Variants in TNR observed in about 807,000 individuals in gnomAD.
TNR encodes tenascin-R.
A neutral mutation model predicts 150.4 loss-of-function variants in TNR; 45 were observed. That is an observed-to-expected ratio of 0.30 (90% CI 0.24 to 0.38). The LOEUF (loss-of-function observed/expected upper bound fraction) is 0.38. Among genes scored for constraint, TNR ranks in the 10% least tolerant of loss-of-function variants. The pLI is 1.00. For synonymous variants in TNR, 687 were observed against 678.4 expected (o/e 1.01, Z -0.20); for missense variants, 1,544 against 1,759.1 (o/e 0.88, Z 2.19).
chr1:175,386,076 C>T lies in TNR; in HGVS notation c.1733G>A (p.Arg578Gln), dbSNP rs953912910. The T allele has an allele frequency of 5.6e-6, 9 of 1,608,356 alleles. No homozygotes were observed. The highest frequency in any genetic ancestry group is 7.7e-6 in the Non-Finnish European group (9 of 1,176,210). The change falls in exon 8 of 23, where the codon CGA becomes CAA. Residue 578 changes from arginine (R) to glutamine (Q), a missense_variant. Transcript: ENST00000367674. ...GGCAGAATCGCTCTCGTTGGTCCCTCGGACGGCACTGACTGACACCTCGTA... is the reference window on the plus strand; with the variant it reads ...GGCAGAATCGCTCTCGTTGGTCCCTTGGACGGCACTGACTGACACCTCGTA... ...SRYEVSVSAV[R>Q]GTNESDSATT...
chr1:175,384,451 A>T (rs149048843), intron 8 of TNR, among the ~76,000 whole-genome samples: 253 of 152,366 alleles, frequency 1.7e-3, no homozygotes, highest in African/African-American at 5.7e-3. Context: ...ACAGGGTGGC[A>T]TCTGGCCCAG....
chr1:175,396,843 G>A (rs1450894656), intron 4 of TNR, 36 bp from the exon 5 acceptor site: 1 of 1,591,122 alleles, frequency 6.3e-7, no homozygotes, highest in East Asian at 2.2e-5. Flanking sequence ...CATGAGCTCA[G>A]AGGATTGCCT....
At chr1:175,471,056 G>A (rs1657264888) in intron 2 of TNR, among the ~76,000 whole-genome samples, 1 of 152,218 alleles carries the variant, frequency 6.6e-6, no homozygotes, top group Non-Finnish European at 1.5e-5. Flanking sequence ...GGAACAGGAG[G>A]CTCACTGCTT....
intron 2 of TNR, among the ~76,000 whole-genome samples, chr1:175,446,365 C>T (rs1210468484): frequency 1.3e-5 from 2 of 152,172 alleles, no homozygotes; most frequent in Non-Finnish European, 2.9e-5. Flanking sequence ...TTCATTGTTC[C>T]ATCCACAAAA....
intron 4 of TNR, among the ~76,000 whole-genome samples, chr1:175,400,493 C>A (rs1235853118): frequency 6.6e-6 from 1 of 152,060 alleles, no homozygotes; most frequent in African/African-American, 2.4e-5. Flanking sequence ...AGAATGGAGG[C>A]AGAAGTCTTG....
chr1:175,343,304 C>T (rs1217738987), intron 18 of TNR, among the ~76,000 whole-genome samples: 1 of 152,174 alleles, frequency 6.6e-6, no homozygotes, highest in Non-Finnish European at 1.5e-5. Flanking sequence ...AAAGGCCAAA[C>T]TTACTCCTCC....
At chr1:175,588,836 A>C (rs180732748) in intron 1 of TNR, among the ~76,000 whole-genome samples, 2 of 152,304 alleles carry the variant, frequency 1.3e-5, no homozygotes, top group Non-Finnish European at 1.5e-5. Flanking sequence ...GCCCAAACCT[A>C]ATCTCCTCAA....
At chr1:175,331,987 A>G (rs1649958578) in intron 20 of TNR, among the ~76,000 whole-genome samples, 1 of 152,170 alleles carries the variant, frequency 6.6e-6, no homozygotes, top group Non-Finnish European at 1.5e-5. Flanking sequence ...TGAGTTGCTG[A>G]CCCACAACTC....
At chr1:175,342,146 T>C (rs1394383152) in intron 18 of TNR, among the ~76,000 whole-genome samples, 1 of 152,224 alleles carries the variant, frequency 6.6e-6, no homozygotes, top group Non-Finnish European at 1.5e-5. Context: ...AGGCTGCTCA[T>C]GCTGTGGTGG....
intron 1 of TNR, among the ~76,000 whole-genome samples, chr1:175,714,062 A>G (rs1288849605): frequency 1.3e-5 from 2 of 150,244 alleles, no homozygotes; most frequent in African/African-American, 4.9e-5. Context: ...TTCTCTCTCT[A>G]TGTGCTGTTC....
At chr1:175,560,035 T>C (rs1245692756) in intron 1 of TNR, among the ~76,000 whole-genome samples, 1 of 152,238 alleles carries the variant, frequency 6.6e-6, no homozygotes, top group Non-Finnish European at 1.5e-5. Flanking sequence ...GAAAATGTTT[T>C]ATCAGTCTTA....
rs994497768 is a variant in TNR, at chr1:175,725,033, G to T, written c.-165+18193C>A. On this transcript the variant is annotated intron_variant, in intron 1 of 22. Coordinates refer to ENST00000367674, the MANE Select transcript of TNR (RefSeq NM_003285.3). ...ACTGGATCATATAGAGCCTCGTTAA[G>T]AACTTTTGCCTGTGTCCTAAGATCA... 2.0e-5 allele frequency among the ~76,000 whole-genome samples: 3 copies of T among 152,216 alleles called. No individual in the cohort carries two copies. The South Asian group carries it at 6.2e-4, about 32-fold the overall frequency.
chr1:175,633,384 A>C (rs1664393728), intron 1 of TNR, among the ~76,000 whole-genome samples: 1 of 152,120 alleles, frequency 6.6e-6, no homozygotes, highest in African/African-American at 2.4e-5. Context: ...TCAAATTACA[A>C]GGAAAGAAAA....
In TNR at chr1:175,355,607, C is replaced by T; in HGVS notation, c.3145G>A (p.Ala1049Thr). Residue 1049 changes from alanine to threonine, a missense_variant, in exon 17 of 23, where the codon GCC becomes ACC. By Grantham distance (58) the Ala-to-Thr change is moderately conservative. This residue lies in a region of TNR where 290 missense variants were observed against 429.7 expected (regional missense o/e 0.67). Transcript: ENST00000367674. Reference protein sequence around the residue: ...TLLDPPANLTASEVTRQSALI... With the variant: ...TLLDPPANLTTSEVTRQSALI... ...GCACTTTGTCTGGTGACTTCACTGG[C>T]TGTCAGGTTTGCCGGAGGGTCCAGG... 6.2e-7 allele frequency: 1 copy of T among 1,614,052 alleles called. No homozygotes were observed. Among genetic ancestry groups the T allele is most frequent in the South Asian group, 1.1e-5 (1 of 91,078 alleles).
Position 175,406,771 on chromosome 1 carries a change from T to C in TNR, c.-57A>G. The C allele has an allele frequency of 5.1e-6, 8 of 1,577,066 alleles. No homozygotes were observed. The highest frequency in any genetic ancestry group is 6.0e-6 in the Non-Finnish European group (7 of 1,162,612). On this transcript the variant is annotated 5_prime_UTR_variant, in exon 3 of 23. Transcript: ENST00000367674. ...GCCTGCAGCACACAGCATGGAGTTG[T>C]GGGAATCTGCAACGGAAACCAAGGA...
chr1:175,444,704 C>A (rs1440261762), intron 2 of TNR, among the ~76,000 whole-genome samples: 1 of 152,172 alleles, frequency 6.6e-6, no homozygotes, highest in Non-Finnish European at 1.5e-5. Flanking sequence ...GCATGTAAAG[C>A]CACACAACCA....
chr1:175,553,712 A>G (rs920908869), intron 1 of TNR, among the ~76,000 whole-genome samples: 1 of 152,038 alleles, frequency 6.6e-6, no homozygotes, highest in African/African-American at 2.4e-5. Context: ...TGAATTTGTT[A>G]GGGGACTTGA....
chr1:175,544,555 T>A (rs1267916670), intron 1 of TNR, among the ~76,000 whole-genome samples: 1 of 152,188 alleles, frequency 6.6e-6, no homozygotes, highest in Non-Finnish European at 1.5e-5. Context: ...CTGCTAAATA[T>A]GTTCAGCGAG....
At chr1:175,417,565 C>A (rs150339566) in intron 2 of TNR, among the ~76,000 whole-genome samples, 13 of 152,224 alleles carry the variant, frequency 8.5e-5, no homozygotes, top group African/African-American at 2.9e-4. Flanking sequence ...GCTCTGGAAA[C>A]ACTACTAATA....
Sources: gnomAD v4.1 joint callset for allele counts (sites outside exome capture counted in the v4.1 genomes callset) on GRCh38, gnomAD v4.1.1 for gene constraint, gnomAD v4.1.1 regional missense constraint, MANE v1.5 for transcripts, NCBI Gene and HGNC (gene_info 2026-07-23, HGNC 2026-07-21) for gene names.